Variants in ANO3 observed in about 807,000 individuals in gnomAD.
The protein encoded by ANO3 is anoctamin-3.
Under a neutral mutation model 144.8 loss-of-function variants are expected in ANO3, and 99 were observed. The observed-to-expected ratio is 0.68, with a 90% CI of 0.58 to 0.81. The LOEUF (loss-of-function observed/expected upper bound fraction) is 0.81, where lower values mean the gene tolerates loss of function less well. Ranked by LOEUF, ANO3 falls within the 30% of genes least tolerant of loss-of-function variation. ANO3 has a pLI of 0.00. For missense variants in ANO3, 905 were observed against 1,202.2 expected, an observed-to-expected ratio of 0.75 and a Z score of 3.66; for synonymous variants, 414 against 392.6, an observed-to-expected ratio of 1.05 and a Z score of -0.64.
At chr11:26,600,496 C>T (rs1378950402) in intron 17 of ANO3, among the ~76,000 whole-genome samples, 3 of 83,686 alleles carry the variant, frequency 3.6e-5, no homozygotes, top group African/African-American at 1.5e-4. Flanking sequence ...TTCCCCTCCC[C>T]TCCTCTCATC....
At chr11:26,366,398 A>C (rs1856086533) in intron 1 of ANO3, among the ~76,000 whole-genome samples, 1 of 152,118 alleles carries the variant, frequency 6.6e-6, no homozygotes, top group African/African-American at 2.4e-5. Context: ...CTATTTGGAC[A>C]TTTGGGTTGG....
intron 1 of ANO3, among the ~76,000 whole-genome samples, chr11:26,298,656 C>T (rs1854147813): frequency 6.6e-6 from 1 of 152,194 alleles, no homozygotes; most frequent in Non-Finnish European, 1.5e-5. Flanking sequence ...CTCATGTCTA[C>T]TCGTTTCCAA....
chr11:26,546,549 C>T (rs1849793805), intron 11 of ANO3, among the ~76,000 whole-genome samples: 1 of 151,858 alleles, frequency 6.6e-6, no homozygotes, highest in Non-Finnish European at 1.5e-5. Flanking sequence ...GTTAAGTAAC[C>T]GTCTTTAGAA....
rs1590577419 is a variant in ANO3 at position 26,578,152 on chromosome 11, G to C, written c.1447+18373G>C. On this transcript the variant is annotated intron_variant, in intron 14 of 26. Coordinates refer to ENST00000256737, the MANE Select transcript of ANO3 (RefSeq NM_031418.4). ...TATTGTAATTTCCAAGAGTAATTTTGGGAGTATGTTGATAAGAGTTATATT... is the reference window on the plus strand; with the variant it reads ...TATTGTAATTTCCAAGAGTAATTTTCGGAGTATGTTGATAAGAGTTATATT... Among the ~76,000 whole-genome samples the C allele has an allele frequency of 2.0e-5, 3 of 152,156 alleles. No homozygotes were observed. The South Asian group carries it at 6.2e-4, about 32-fold the overall frequency.
Position 26,404,933 on chromosome 11 carries a change from A to ATGTGTGTG in ANO3, c.47-36945_47-36938dup, listed in dbSNP as rs56103536. ...TAATTTCAGCAAGGAATTTATATAT[A>ATGTGTGTG]TGTGTGTGTGTGTGTGTGTGTGTGT... is the stretch of plus-strand genomic sequence containing the variant. On this transcript the variant is annotated intron_variant, in intron 1 of 26. Coordinates refer to ENST00000256737, the MANE Select transcript of ANO3 (RefSeq NM_031418.4). 3.0e-3 allele frequency among the ~76,000 whole-genome samples: 443 copies of ATGTGTGTG among 146,246 alleles called. 2 individuals carry two copies. The highest frequency in any genetic ancestry group is 4.0e-3 in the African/African-American group (156 of 39,168).
intron 4 of ANO3, among the ~76,000 whole-genome samples, chr11:26,475,899 AC>A (rs1859949248): frequency 6.6e-6 from 1 of 152,084 alleles, no homozygotes; most frequent in South Asian, 2.1e-4. Context: ...CTAAACAGAT[AC>A]AACAGTGGTT....
intron 8 of ANO3, among the ~76,000 whole-genome samples, chr11:26,533,917 A>G (rs1283943777): frequency 1.3e-5 from 2 of 152,216 alleles, no homozygotes; most frequent in African/African-American, 4.8e-5. Context: ...CGAGATTCCC[A>G]GCATACTATA....
intron 1 of ANO3, among the ~76,000 whole-genome samples, chr11:26,358,556 A>AT (rs148846388): frequency 6.9e-4 from 105 of 151,488 alleles, no homozygotes; most frequent in African/African-American, 2.0e-3. Flanking sequence ...GACCATCATA[A>AT]TTTTTTTTTA....
intron 1 of ANO3, among the ~76,000 whole-genome samples, chr11:26,245,533 T>G (rs995148155): frequency 5.3e-5 from 8 of 152,320 alleles, no homozygotes; most frequent in Non-Finnish European, 2.9e-5. Context: ...TTTGTTATTA[T>G]CATGAAGAAC....
rs999225712 is a variant in ANO3, at chr11:26,267,186, A to G, written c.155-42459A>G. ...GAGAAGGACCTTCACGCACGCACGC[A>G]CACACACACACACACACCCCCAAAA... On this transcript the variant is annotated intron_variant, in intron 1 of 27. Transcript: ENST00000672621. Among the ~76,000 whole-genome samples the G allele has an allele frequency of 9.3e-5, 14 of 150,034 alleles. No individual in the cohort carries two copies. The East Asian group carries it at 1.6e-3, about 17-fold the overall frequency.
intron 4 of ANO3, among the ~76,000 whole-genome samples, 182 bp from the exon 5 acceptor site, chr11:26,507,922 G>A (rs1310634341): frequency 4.6e-5 from 7 of 152,074 alleles, no homozygotes; most frequent in Non-Finnish European, 1.0e-4. Context: ...AACATCACTC[G>A]CTAATGTGGC....
chr11:26,254,022 C>T (rs1852998707), intron 1 of ANO3, among the ~76,000 whole-genome samples: 1 of 152,182 alleles, frequency 6.6e-6, no homozygotes. Context: ...CCCCTGCAAG[C>T]TGCAATTTTG....
intron 3 of ANO3, among the ~76,000 whole-genome samples, chr11:26,451,307 G>C (rs978723205): frequency 6.6e-6 from 1 of 152,204 alleles, no homozygotes; most frequent in Non-Finnish European, 1.5e-5. Flanking sequence ...GAAGCGCAAG[G>C]GGTCAGGGAG....
chr11:26,209,260 C>T (rs1009098638), intron 1 of ANO3, among the ~76,000 whole-genome samples: 3 of 152,098 alleles, frequency 2.0e-5, no homozygotes, highest in African/African-American at 7.2e-5. Flanking sequence ...TTTTCTGTTC[C>T]TGTGTTAGTT....
intron 14 of ANO3, among the ~76,000 whole-genome samples, chr11:26,573,334 G>A (rs942858570): frequency 3.3e-5 from 5 of 152,112 alleles, no homozygotes; most frequent in African/African-American, 1.2e-4. Context: ...AAAAAATATT[G>A]TCTCAAAAGA....
At chr11:26,323,627 A>G (rs554778566) in intron 1 of ANO3, among the ~76,000 whole-genome samples, 2 of 152,288 alleles carry the variant, frequency 1.3e-5, no homozygotes, top group South Asian at 2.1e-4. Context: ...TACAGACTCA[A>G]TGTGCCTGCA....
chr11:26,314,512 G>T (rs1487144393), intron 1 of ANO3, among the ~76,000 whole-genome samples: 1 of 152,084 alleles, frequency 6.6e-6, no homozygotes, highest in Non-Finnish European at 1.5e-5. Context: ...AAATGGATTG[G>T]CGAGGATGCT....
chr11:26,332,465 A>C, intron 1 of ANO3, 144 bp downstream of exon 1: 7 of 732,454 alleles, frequency 9.6e-6, no homozygotes, highest in East Asian at 5.5e-5. Context: ...AAAAAATTAA[A>C]TTCCTCTTCA....
At chr11:26,252,375 CTTTGGTTTCT>C (rs1485799776) in intron 1 of ANO3, among the ~76,000 whole-genome samples, 1 of 151,950 alleles carries the variant, frequency 6.6e-6, no homozygotes, top group East Asian at 1.9e-4. Flanking sequence ...GCAGTTTTTT[CTTTGGTTTCT>C]GGAAGTTCAG....
Sources: gnomAD v4.1 joint callset for allele counts (sites outside exome capture counted in the v4.1 genomes callset) on GRCh38, gnomAD v4.1.1 for gene constraint, MANE v1.5 for transcripts, NCBI Gene and HGNC (gene_info 2026-07-23, HGNC 2026-07-21) for gene names.